Variants in ADAMTS17 observed in about 807,000 individuals in gnomAD.
ADAMTS17 encodes ADAM metallopeptidase with thrombospondin type 1 motif 17, also known as A disintegrin and metalloproteinase with thrombospondin motifs 17.
A neutral mutation model predicts 141.5 loss-of-function variants in ADAMTS17; 113 were observed. The observed-to-expected ratio is 0.80, with a 90% confidence interval of 0.69 to 0.93. The LOEUF (loss-of-function observed/expected upper bound fraction) is 0.93. ADAMTS17 is among the 40% of genes least tolerant of loss of function. The probability of loss-of-function intolerance (pLI) is 0.00; values close to 1 mark genes in which losing one functional copy is unlikely to be tolerated. For synonymous variants in ADAMTS17, 768 were observed against 630.6 expected (o/e 1.22, Z -3.27); for missense variants, 1,659 against 1,517.9 (o/e 1.09, Z -1.54).
rs1202833345 is a variant in ADAMTS17, at chr15:100,088,522, G to A, written c.2137+7834C>T. ...TCATATGGAACCAAAAAAATAGCCC[G>A]CATCGCCAAGTCAATCCTAAGCCAA... On this transcript the variant is annotated intron_variant, in intron 15 of 21. Coordinates refer to ENST00000268070, the MANE Select transcript of ADAMTS17 (RefSeq NM_139057.4). 7.2e-5 allele frequency among the ~76,000 whole-genome samples: 11 copies of A among 152,096 alleles called. 1 individual carries two copies. Among genetic ancestry groups the A allele is most frequent in the Admixed American group, 2.0e-4 (3 of 15,270 alleles).
intron 20 of ADAMTS17, chr15:99,979,387 T>TG (rs2060435645): frequency 1.7e-5 from 1 of 58,270 alleles, no homozygotes; most frequent in African/African-American, 5.0e-5. Flanking sequence ...AGACTCCATC[T>TG]CAAAAAAAAA....
intron 18 of ADAMTS17, among the ~76,000 whole-genome samples, chr15:100,045,516 T>C (rs2031615782): frequency 1.3e-5 from 2 of 152,216 alleles, no homozygotes; most frequent in African/African-American, 4.8e-5. Flanking sequence ...GTTCAGGTCT[T>C]CTAGCTTTAG....
chr15:100,156,766 A>T (rs540601721), intron 8 of ADAMTS17, among the ~76,000 whole-genome samples: 2 of 152,242 alleles, frequency 1.3e-5, no homozygotes, highest in Non-Finnish European at 2.9e-5. Flanking sequence ...AATCATAAAA[A>T]TCTGCTCCAA....
chr15:100,214,656 G>C (rs1596295987), intron 7 of ADAMTS17, among the ~76,000 whole-genome samples: 1 of 152,322 alleles, frequency 6.6e-6, no homozygotes, highest in South Asian at 2.1e-4. Context: ...TGGTACTGCT[G>C]ACCTGGCCAT....
At chr15:100,325,333 G>A (rs192683404) in intron 3 of ADAMTS17, among the ~76,000 whole-genome samples, 1 of 152,304 alleles carries the variant, frequency 6.6e-6, no homozygotes. Flanking sequence ...TGCAGATAGG[G>A]TTTTTACAGA....
At chr15:100,273,561 T>A (rs995018383) in intron 4 of ADAMTS17, among the ~76,000 whole-genome samples, 4 of 152,168 alleles carry the variant, frequency 2.6e-5, no homozygotes, top group African/African-American at 9.6e-5. Flanking sequence ...TTCATTTGTG[T>A]TATTAGTAAT....
Position 99,993,236 on chromosome 15 carries a change from AATTCG to A in ADAMTS17, c.2797-41_2797-37del, listed in dbSNP as rs747023708. The A allele has an allele frequency of 3.1e-6, 5 of 1,613,658 alleles. No individual in the cohort carries two copies. In the East Asian group the frequency reaches 6.7e-5, roughly 22 times the overall value. On this transcript the variant is annotated intron_variant, in intron 19 of 21. Transcript: ENST00000268070. This position sits in a 1 kb window ranked among gnomAD's most constrained non-coding sequence, Gnocchi z 4.3. ...CCATTCAAATATTTAACCGAGTTCC[AATTCG>A]ATTCAAGTCCATCAACAGCTATTAA... is the stretch of plus-strand genomic sequence containing the variant.
intron 8 of ADAMTS17, among the ~76,000 whole-genome samples, chr15:100,195,166 C>T (rs892759163): frequency 4.6e-5 from 7 of 152,330 alleles, no homozygotes; most frequent in East Asian, 1.9e-4. Context: ...CTGTTGTTAG[C>T]GTGACCGCTG....
intron 18 of ADAMTS17, among the ~76,000 whole-genome samples, chr15:100,033,599 C>T (rs761559097): frequency 7.2e-5 from 11 of 152,174 alleles, no homozygotes; most frequent in Non-Finnish European, 1.6e-4. Context: ...GAGAACACCT[C>T]GGTTTTCTTT....
Position 99,989,370 on chromosome 15 carries a change from C to A in ADAMTS17, c.2949+3678G>T, listed in dbSNP as rs569690819. Among the ~76,000 whole-genome samples, 34 of 152,340 alleles carry A rather than the reference C, an allele frequency of 2.2e-4. No homozygotes were observed. In the South Asian group the frequency reaches 6.2e-3, roughly 28 times the overall value. On this transcript the variant is annotated intron_variant, in intron 20 of 21. Transcript: ENST00000268070. Reference sequence around the variant, plus strand: ...TGCCCCGGACCCCTGTGGGCACAGGCGCCAACAATAGTACAGGCTGCATTT... The same window carrying A: ...TGCCCCGGACCCCTGTGGGCACAGGAGCCAACAATAGTACAGGCTGCATTT...
chr15:100,307,216 G>A (rs1464615193), intron 3 of ADAMTS17, among the ~76,000 whole-genome samples: 15 of 152,124 alleles, frequency 9.9e-5, no homozygotes, highest in Admixed American at 9.8e-4. Context: ...CACGTTATAG[G>A]ACAGGAAAAA....
intron 7 of ADAMTS17, among the ~76,000 whole-genome samples, chr15:100,214,744 G>C (rs908788049): frequency 3.5e-4 from 53 of 152,306 alleles, no homozygotes; most frequent in African/African-American, 1.2e-3. Context: ...GCAGGAGGCT[G>C]AAATCATTTC....
chr15:100,099,719 G>A (rs139676435), intron 14 of ADAMTS17, among the ~76,000 whole-genome samples: 4 of 152,196 alleles, frequency 2.6e-5, no homozygotes, highest in African/African-American at 4.8e-5. Flanking sequence ...AATGTCCCAC[G>A]GCATAATTAA....
Position 100,025,561 on chromosome 15 carries a change from G to A in ADAMTS17, c.2591+23296C>T, listed in dbSNP as rs557907248. 2.1e-3 allele frequency among the ~76,000 whole-genome samples: 325 copies of A among 151,830 alleles called. 1 individual carries two copies. The highest frequency in any genetic ancestry group is 0.017 in the Middle Eastern group (5 of 294). On this transcript the variant is annotated intron_variant, in intron 18 of 21. Transcript: ENST00000268070. Reference sequence around the variant, plus strand: ...CCAGTAGCTGGGATTATAGGCACTCGCCACCACGCCCAGCTAATTTTTTTG... The same window carrying A: ...CCAGTAGCTGGGATTATAGGCACTCACCACCACGCCCAGCTAATTTTTTTG...
At chr15:100,097,614 G>A (rs2035841666) in intron 14 of ADAMTS17, among the ~76,000 whole-genome samples, 1 of 152,218 alleles carries the variant, frequency 6.6e-6, no homozygotes, top group Non-Finnish European at 1.5e-5. Context: ...GTTCATCATG[G>A]CAGCAGTTCT....
chr15:100,329,911 C>A (rs2045999346), intron 3 of ADAMTS17, among the ~76,000 whole-genome samples: 1 of 152,226 alleles, frequency 6.6e-6, no homozygotes, highest in African/African-American at 2.4e-5. Flanking sequence ...CACCGGGATA[C>A]TAAACCAAGA....
At chr15:99,978,554 T>C (rs2060415873) in intron 20 of ADAMTS17, 1 of 152,190 alleles carries the variant, frequency 6.6e-6, no homozygotes, top group Non-Finnish European at 1.5e-5. Flanking sequence ...ATTCATGCAT[T>C]ACACATGCAG....
intron 14 of ADAMTS17, among the ~76,000 whole-genome samples, chr15:100,101,629 C>T (rs1042425308): frequency 6.6e-6 from 1 of 152,224 alleles, no homozygotes; most frequent in African/African-American, 2.4e-5. Context: ...CTTCCCCCAT[C>T]CTCTGACACA....
intron 3 of ADAMTS17, 73 bp downstream of exon 3, chr15:100,330,816 T>C (rs1173094633): frequency 1.3e-6 from 2 of 1,578,082 alleles, no homozygotes; most frequent in East Asian, 2.3e-5. Context: ...GTGGCTTCAG[T>C]GCACTTGGAG....
Sources: allele counts gnomAD v4.1 joint callset (sites outside exome capture counted in the v4.1 genomes callset), GRCh38; gene constraint gnomAD v4.1.1; non-coding constraint Gnocchi (gnomAD v3.1); transcripts MANE v1.5; gene names NCBI Gene and HGNC (gene_info 2026-07-23, HGNC 2026-07-21).